The following LRP1B variants were observed in gnomAD, a reference collection of about 807,000 sequenced individuals.
LRP1B encodes LDL receptor related protein 1B.
LRP1B carries 217 observed loss-of-function variants against 556.6 expected under a neutral mutation model. The ratio of observed to expected loss-of-function variants is 0.39; its 90% confidence interval spans 0.35 to 0.44. The LOEUF (loss-of-function observed/expected upper bound fraction) is 0.44. Ranked by LOEUF, LRP1B falls within the 20% of genes least tolerant of loss-of-function variation. The pLI, the probability that LRP1B is intolerant of heterozygous loss-of-function variation, is 1.00. For missense variants in LRP1B, 5,053 were observed against 5,620.8 expected (o/e 0.90, Z 3.23); for synonymous variants, 2,047 against 1,865.8 (o/e 1.10, Z -2.50).
chr2:141,639,823 A>T (rs1233348888), intron 2 of LRP1B, among the ~76,000 whole-genome samples: 3 of 152,092 alleles, frequency 2.0e-5, no homozygotes, highest in African/African-American at 4.8e-5. Context: ...TTTTTTTTAC[A>T]CATGTGTTTT....
rs188034896 is a variant in LRP1B at position 141,239,448 on chromosome 2, A to T, written c.592+7778T>A. On this transcript the variant is annotated intron_variant, in intron 5 of 90. Coordinates refer to ENST00000389484, the MANE Select transcript of LRP1B (RefSeq NM_018557.3). Reference sequence around the variant, plus strand: ...CTGGACAGGAAAATAGGTTTAAAGGAAGTTGTTTTGCATCATCTTTACAAC... The same window carrying T: ...CTGGACAGGAAAATAGGTTTAAAGGTAGTTGTTTTGCATCATCTTTACAAC... 5.2e-4 allele frequency among the ~76,000 whole-genome samples: 79 copies of T among 152,162 alleles called. 1 individual carries two copies. The highest frequency in any genetic ancestry group is 1.6e-3 in the African/African-American group (68 of 41,538).
At chr2:141,203,073 C>T (rs764286799) in intron 6 of LRP1B, among the ~76,000 whole-genome samples, 10 of 151,956 alleles carry the variant, frequency 6.6e-5, no homozygotes, top group African/African-American at 9.7e-5. Flanking sequence ...TGGTACCAGC[C>T]GCTGCAAAAA....
chr2:141,941,122 C>T (rs1312607568), intron 1 of LRP1B, among the ~76,000 whole-genome samples: 1 of 152,190 alleles, frequency 6.6e-6, no homozygotes, highest in Admixed American at 6.5e-5. Context: ...TGAAAGAATA[C>T]AGCTTCTATT....
At chr2:140,659,374 T>A (rs1470896603) in intron 41 of LRP1B, among the ~76,000 whole-genome samples, 1 of 151,960 alleles carries the variant, frequency 6.6e-6, no homozygotes, top group Non-Finnish European at 1.5e-5. Context: ...CAGCATGGTT[T>A]TATTTGATGA....
intron 3 of LRP1B, among the ~76,000 whole-genome samples, chr2:141,438,431 T>C (rs150159566): frequency 1.3e-5 from 2 of 152,260 alleles, no homozygotes; most frequent in Admixed American, 1.3e-4. Context: ...CGCAGATCCA[T>C]GGGTAGAATA....
At chr2:141,661,709 G>A (rs1690226485) in intron 2 of LRP1B, among the ~76,000 whole-genome samples, 1 of 152,118 alleles carries the variant, frequency 6.6e-6, no homozygotes, top group African/African-American at 2.4e-5. Flanking sequence ...AGTTGACTGG[G>A]GTACCTGAAC....
At position 140,545,334 on chromosome 2, in the gene LRP1B, G is replaced by A. The variant is rs570313485; in HGVS notation, c.7195-3363C>T. 1.6e-3 allele frequency among the ~76,000 whole-genome samples: 249 copies of A among 151,942 alleles called. 3 individuals carry two copies. The highest frequency in any genetic ancestry group is 8.9e-3 in the South Asian group (43 of 4,806). On this transcript the variant is annotated intron_variant, in intron 43 of 90. Transcript: ENST00000389484. ...TTTTGCTTTTGTTGCAATTGCTTTT[G>A]GTGCCTTTGTCATAAAATCTTTGCC...
At chr2:141,248,879 C>T (rs1433829659) in intron 4 of LRP1B, among the ~76,000 whole-genome samples, 1 of 152,030 alleles carries the variant, frequency 6.6e-6, no homozygotes, top group Non-Finnish European at 1.5e-5. Context: ...ATATTTTGAA[C>T]TAAGTCAGTG....
intron 7 of LRP1B, among the ~76,000 whole-genome samples, chr2:141,140,984 G>A (rs1382510337): frequency 6.6e-6 from 1 of 152,092 alleles, no homozygotes; most frequent in African/African-American, 2.4e-5. Flanking sequence ...GGTAGAGGGT[G>A]GAGAGCAATC....
chr2:142,059,707 C>T (rs1465251957), intron 1 of LRP1B, among the ~76,000 whole-genome samples: 1 of 152,002 alleles, frequency 6.6e-6, no homozygotes, highest in Non-Finnish European at 1.5e-5. Context: ...TCTCTCCTTC[C>T]ACATGACTGC....
chr2:141,261,137 A>G (rs983706400), intron 3 of LRP1B, among the ~76,000 whole-genome samples: 2 of 152,186 alleles, frequency 1.3e-5, no homozygotes, highest in Non-Finnish European at 2.9e-5. Context: ...CACATCATTC[A>G]TCCTCTTACC....
chr2:140,649,890 T>G (rs1195921439), intron 41 of LRP1B, among the ~76,000 whole-genome samples: 1 of 152,248 alleles, frequency 6.6e-6, no homozygotes. Context: ...ATATTTGTGC[T>G]AATGTATCCA....
intron 82 of LRP1B, among the ~76,000 whole-genome samples, chr2:140,321,727 C>G (rs566406052): frequency 2.0e-5 from 3 of 151,988 alleles, no homozygotes; most frequent in African/African-American, 7.2e-5. Context: ...CTTCAAAGTT[C>G]TCGATCTGTT....
chr2:142,006,574 T>C (rs542589054), intron 1 of LRP1B, among the ~76,000 whole-genome samples: 2 of 152,342 alleles, frequency 1.3e-5, no homozygotes, highest in South Asian at 4.1e-4. Context: ...ACTTTGATTA[T>C]CCATTCTGTA....
intron 32 of LRP1B, among the ~76,000 whole-genome samples, chr2:140,797,063 T>C (rs1259358071): frequency 6.6e-6 from 1 of 152,040 alleles, no homozygotes; most frequent in African/African-American, 2.4e-5. Flanking sequence ...AGAAAATTAA[T>C]GTTTCAATCC....
At chr2:141,288,179 C>G (rs1410496368) in intron 3 of LRP1B, among the ~76,000 whole-genome samples, 1 of 150,502 alleles carries the variant, frequency 6.6e-6, no homozygotes, top group Non-Finnish European at 1.5e-5. Flanking sequence ...ATTTTGTTTT[C>G]TCTTTTCTAT....
chr2:141,034,272 C>T (rs996144066), intron 11 of LRP1B, among the ~76,000 whole-genome samples: 7 of 152,072 alleles, frequency 4.6e-5, no homozygotes, highest in Admixed American at 1.3e-4. Context: ...TTCAGTTTCC[C>T]AGGACTGTTA....
intron 10 of LRP1B, among the ~76,000 whole-genome samples, chr2:141,053,136 T>G (rs1395917691): frequency 1.3e-5 from 2 of 152,066 alleles, no homozygotes; most frequent in African/African-American, 2.4e-5. Flanking sequence ...GTGTGTCTTC[T>G]TGTACTACAG....
At chr2:141,854,373 G>C (rs113248187) in intron 1 of LRP1B, among the ~76,000 whole-genome samples, 19 of 152,024 alleles carry the variant, frequency 1.2e-4, no homozygotes, top group African/African-American at 4.3e-4. Context: ...TCATCAGAAA[G>C]GGATATTTTA....
Sources: gnomAD v4.1 joint callset for allele counts (sites outside exome capture counted in the v4.1 genomes callset) on GRCh38, gnomAD v4.1.1 for gene constraint, MANE v1.5 for transcripts, NCBI Gene and HGNC (gene_info 2026-07-23, HGNC 2026-07-21) for gene names.